OR51B5: variants seen among roughly 807,000 people sequenced by gnomAD.
OR51B5 encodes the protein olfactory receptor family 51 subfamily B member 5, also known as olfactory receptor 51B5.
For synonymous variants in OR51B5, 186 were observed against 144.8 expected (o/e 1.28, Z -2.04); for missense variants, 456 against 374.6 (o/e 1.22, Z -1.79).
At position 5,443,511 on chromosome 11, in the gene OR51B5, GTTT is replaced by G. The variant is rs79669964; in HGVS notation, n.84+62055_84+62057del. Among the ~76,000 whole-genome samples the G allele has an allele frequency of 2.7e-5, 4 of 145,668 alleles. No individual in the cohort carries two copies. In the South Asian group the frequency reaches 6.5e-4, roughly 24 times the overall value. The stretch of plus-strand genomic sequence containing the variant: ...TTTTAGATCTAGCCTGTTCAGATCT[GTTT>G]TTTTTTTTTCTTTACCTTTGCTGCA... On this transcript the variant is annotated intron_variant and non_coding_transcript_variant, in intron 1 of 4. Transcript: ENST00000415970.
In OR51B5 at chr11:5,424,842, C is replaced by T. The variant is rs79957471; in HGVS notation, n.85-77932G>A. On this transcript the variant is annotated intron_variant and non_coding_transcript_variant, in intron 1 of 4. Coordinates refer to the OR51B5 transcript ENST00000415970. ...TAAAAAATAGAAAAAATTAGCCGGG[C>T]GTGGTGGCGGGCGCCTATAGTCCCA... 4.1e-3 allele frequency among the ~76,000 whole-genome samples: 374 copies of T among 91,306 alleles called. 96 individuals carry two copies. The highest frequency in any genetic ancestry group is 0.01 in the African/African-American group (274 of 26,682). The allele number at this position is 91,306 out of a possible 152,430, so 59.9% of individuals were successfully genotyped here.
At chr11:5,371,484 G>A (rs1849446930) in intron 1 of OR51B5, among the ~76,000 whole-genome samples, 1 of 152,010 alleles carries the variant, frequency 6.6e-6, no homozygotes, top group East Asian at 1.9e-4. Context: ...TATCTAAAGA[G>A]TACTGATATT....
intron 1 of OR51B5, among the ~76,000 whole-genome samples, chr11:5,414,584 G>A (rs977513852): frequency 1.4e-4 from 20 of 148,108 alleles, no homozygotes; most frequent in Non-Finnish European, 2.5e-4. Flanking sequence ...AAGGATGGAG[G>A]AAGATCTACC....
chr11:5,464,371 C>T (rs1177893128), intron 1 of OR51B5, among the ~76,000 whole-genome samples: 1 of 152,032 alleles, frequency 6.6e-6, no homozygotes, highest in African/African-American at 2.4e-5. Flanking sequence ...ATGTGCCATG[C>T]TGGTGCGCTG....
chr11:5,430,161 A>G (rs1204633454), intron 1 of OR51B5, among the ~76,000 whole-genome samples: 1 of 152,214 alleles, frequency 6.6e-6, no homozygotes, highest in Admixed American at 6.5e-5. Flanking sequence ...TAAACCATGA[A>G]TATCTGGAGA....
chr11:5,424,582 A>G (rs1398927013), intron 1 of OR51B5, among the ~76,000 whole-genome samples: 1 of 152,010 alleles, frequency 6.6e-6, no homozygotes, highest in African/African-American at 2.4e-5. Flanking sequence ...GGCTTCATCC[A>G]GGACCAACAG....
At chr11:5,382,126 A>C (rs1849617349) in intron 1 of OR51B5, among the ~76,000 whole-genome samples, 1 of 152,212 alleles carries the variant, frequency 6.6e-6, no homozygotes, top group Non-Finnish European at 1.5e-5. Context: ...GACATGTCAT[A>C]TAAACTCATT....
At chr11:5,498,728 C>A (rs1243989426) in intron 1 of OR51B5, among the ~76,000 whole-genome samples, 2 of 152,124 alleles carry the variant, frequency 1.3e-5, no homozygotes, top group African/African-American at 4.8e-5. Flanking sequence ...ATGCTGGGTC[C>A]TTGGGAAAGG....
intron 1 of OR51B5, among the ~76,000 whole-genome samples, chr11:5,427,231 T>C (rs944953889): frequency 6.6e-6 from 1 of 152,264 alleles, no homozygotes; most frequent in Admixed American, 6.5e-5. Flanking sequence ...CATATGCACA[T>C]TAATAAATTC....
intron 1 of OR51B5, among the ~76,000 whole-genome samples, chr11:5,463,969 G>A (rs1851095410): frequency 6.6e-6 from 1 of 152,182 alleles, no homozygotes; most frequent in Non-Finnish European, 1.5e-5. Context: ...AACTGTATGA[G>A]GACAGAACAA....
intron 1 of OR51B5, among the ~76,000 whole-genome samples, chr11:5,504,809 T>G (rs1449265067): frequency 6.6e-6 from 1 of 152,184 alleles, no homozygotes; most frequent in African/African-American, 2.4e-5. Flanking sequence ...TGACCCTCCC[T>G]GCCCCAGAAG....
At chr11:5,366,022 A>C (rs1300775453) in intron 1 of OR51B5, among the ~76,000 whole-genome samples, 1 of 151,920 alleles carries the variant, frequency 6.6e-6, no homozygotes, top group Non-Finnish European at 1.5e-5. Flanking sequence ...AAGACCAACC[A>C]ACCACCCTAT....
chr11:5,418,583 A>G (rs1177431774), intron 1 of OR51B5, among the ~76,000 whole-genome samples: 1 of 152,152 alleles, frequency 6.6e-6, no homozygotes, highest in Admixed American at 6.6e-5. Flanking sequence ...TTGCAGGGAC[A>G]TGCATGAAGC....
At chr11:5,489,124 A>G (rs149430630) in intron 1 of OR51B5, 6 of 1,613,822 alleles carry the variant, frequency 3.7e-6, no homozygotes. Flanking sequence ...AACCATTCTC[A>G]ACCATGCTGT....
intron 1 of OR51B5, among the ~76,000 whole-genome samples, chr11:5,421,740 C>A (rs1166799417): frequency 6.6e-6 from 1 of 152,034 alleles, no homozygotes; most frequent in Non-Finnish European, 1.5e-5. Context: ...GGTGAGAATG[C>A]TGCTACAAAA....
At chr11:5,481,943 C>T (rs1341278295) in intron 1 of OR51B5, among the ~76,000 whole-genome samples, 2 of 128,336 alleles carry the variant, frequency 1.6e-5, no homozygotes, top group Admixed American at 7.9e-5. Context: ...AGGTAATTTA[C>T]AGATTCAATG....
At chr11:5,445,180 T>G (rs1200678273) in intron 1 of OR51B5, among the ~76,000 whole-genome samples, 1 of 152,018 alleles carries the variant, frequency 6.6e-6, no homozygotes, top group Non-Finnish European at 1.5e-5. Context: ...TAGACAAAAC[T>G]TAGAAAAAGA....
At chr11:5,448,160 T>C (rs1291043166) in intron 1 of OR51B5, among the ~76,000 whole-genome samples, 1 of 152,212 alleles carries the variant, frequency 6.6e-6, no homozygotes, top group Non-Finnish European at 1.5e-5. Flanking sequence ...TCGCCAATAT[T>C]TGGTTAACAA....
At chr11:5,375,002 G>A (rs1047857477) in intron 1 of OR51B5, among the ~76,000 whole-genome samples, 7 of 151,636 alleles carry the variant, frequency 4.6e-5, no homozygotes, top group South Asian at 2.1e-4. Context: ...CATACTCCTC[G>A]AGAAGAGCAA....
Sources: gnomAD v4.1 joint callset for allele counts (sites outside exome capture counted in the v4.1 genomes callset) on GRCh38, gnomAD v4.1.1 for gene constraint, MANE v1.5 for transcripts, NCBI Gene and HGNC (gene_info 2026-07-23, HGNC 2026-07-21) for gene names.